HSD17B12: variants seen among roughly 807,000 people sequenced by gnomAD.
HSD17B12 encodes the protein hydroxysteroid 17-beta dehydrogenase 12, also known as very-long-chain 3-oxoacyl-CoA reductase.
A neutral mutation model predicts 39.3 loss-of-function variants in HSD17B12; 32 were observed. The ratio of observed to expected loss-of-function variants is 0.81; its 90% CI spans 0.61 to 1.09. HSD17B12 has a LOEUF of 1.09. HSD17B12 is among the 50% of genes least tolerant of loss of function. HSD17B12 has a pLI of 0.00. For synonymous variants in HSD17B12, 150 were observed against 146.7 expected, an observed-to-expected ratio of 1.02 and a Z score of -0.16; for missense variants, 342 against 382.9, an observed-to-expected ratio of 0.89 and a Z score of 0.89.
chr11:43,844,004 C>T (rs1951451989), intron 9 of HSD17B12, among the ~76,000 whole-genome samples: 1 of 152,242 alleles, frequency 6.6e-6, no homozygotes, highest in Non-Finnish European at 1.5e-5. Context: ...GGTACACAGG[C>T]ATCTGTTTTG....
intron 6 of HSD17B12, among the ~76,000 whole-genome samples, chr11:43,823,671 A>C (rs947827448): frequency 2.0e-5 from 3 of 152,140 alleles, no homozygotes; most frequent in Non-Finnish European, 4.4e-5. Flanking sequence ...TTTCCTGCTG[A>C]ATCCTACCTG....
chr11:43,700,386 T>G (rs1334015146), intron 1 of HSD17B12, among the ~76,000 whole-genome samples: 1 of 152,156 alleles, frequency 6.6e-6, no homozygotes, highest in Non-Finnish European at 1.5e-5. Flanking sequence ...ATTAAGTTAT[T>G]ATTGACTACA....
the HSD17B12 span, among the ~76,000 whole-genome samples, chr11:43,566,201 T>C: frequency 1.3e-5 from 2 of 152,246 alleles, no homozygotes; most frequent in Admixed American, 1.3e-4. Flanking sequence ...CATACCTCTT[T>C]GCACAGTACC....
Position 43,744,937 on chromosome 11 carries a change from A to T in HSD17B12, c.161-5974A>T, listed in dbSNP as rs997302527. On this transcript the variant is annotated intron_variant, in intron 1 of 10. Coordinates refer to ENST00000278353, the MANE Select transcript of HSD17B12 (RefSeq NM_016142.3). ...CTTTGTCCCTGAGTGTGGCCTCGCC[A>T]TTAGACATGTACTGCCCAGGGGAGC... is the stretch of plus-strand genomic sequence containing the variant. 2.6e-5 allele frequency among the ~76,000 whole-genome samples: 4 copies of T among 152,220 alleles called. No individual in the cohort carries two copies. The East Asian group carries it at 5.8e-4, about 22-fold the overall frequency.
chr11:43,699,610 G>A (rs1949944347), intron 1 of HSD17B12, among the ~76,000 whole-genome samples: 1 of 151,916 alleles, frequency 6.6e-6, no homozygotes, highest in Admixed American at 6.6e-5. Flanking sequence ...GTTTGTTAAT[G>A]TTACTGCAAA....
At chr11:43,715,254 T>C (rs1399207013) in intron 1 of HSD17B12, among the ~76,000 whole-genome samples, 1 of 152,096 alleles carries the variant, frequency 6.6e-6, no homozygotes, top group African/African-American at 2.4e-5. Context: ...TGATATTGGC[T>C]GTGGGTTTGT....
At chr11:43,567,485 A>G in the HSD17B12 span, among the ~76,000 whole-genome samples, 3 of 152,316 alleles carry the variant, frequency 2.0e-5, no homozygotes, top group South Asian at 6.2e-4. Context: ...AAATATTTCT[A>G]GTGGAGAAAA....
At chr11:43,843,956 A>G (rs1315525430) in intron 9 of HSD17B12, among the ~76,000 whole-genome samples, 3 of 152,150 alleles carry the variant, frequency 2.0e-5, no homozygotes, top group African/African-American at 4.8e-5. Flanking sequence ...TTTCCATGGC[A>G]TCACAGAAAA....
At chr11:43,703,715 A>G (rs1430600786) in intron 1 of HSD17B12, among the ~76,000 whole-genome samples, 1 of 152,126 alleles carries the variant, frequency 6.6e-6, no homozygotes, top group Admixed American at 6.5e-5. Flanking sequence ...ATAGTTACTC[A>G]TAGTAGCCAC....
the HSD17B12 span, among the ~76,000 whole-genome samples, chr11:43,561,104 C>A: frequency 8.5e-5 from 13 of 152,192 alleles, no homozygotes; most frequent in Admixed American, 8.5e-4. Flanking sequence ...GCAGATGAAG[C>A]ATGGGTTCCA....
At chr11:43,742,751 TG>T (rs1264333646) in intron 1 of HSD17B12, among the ~76,000 whole-genome samples, 33 of 151,432 alleles carry the variant, frequency 2.2e-4, no homozygotes, top group African/African-American at 7.1e-4. Context: ...CCAGTTTTTT[TG>T]TGTGTGTGTT....
At chr11:43,854,379 T>TAG (rs1951561622) in intron 9 of HSD17B12, 1 of 196,414 alleles carries the variant, frequency 5.1e-6, no homozygotes, top group Non-Finnish European at 1.0e-5. Context: ...AATGTTGAGT[T>TAG]TACTAAGTGT....
intron 1 of HSD17B12, among the ~76,000 whole-genome samples, chr11:43,681,832 C>G (rs187215091): frequency 3.5e-5 from 5 of 143,258 alleles, no homozygotes; most frequent in East Asian, 2.0e-4. Context: ...GCTCCCCCCC[C>G]CCTTTTTTTT....
chr11:43,854,950 T>C lies in HSD17B12; in HGVS notation c.834+86T>C, dbSNP rs1224615812. ...AGTTACAGGATAGTATGTAATAGAT[T>C]AGCACATATACATTGTCCAGCCATA... is the stretch of plus-strand genomic sequence containing the variant. On this transcript the variant is annotated intron_variant, in intron 10 of 10. Transcript: ENST00000278353. The C allele has an allele frequency of 7.4e-6, 10 of 1,345,858 alleles. No homozygotes were observed. In the Admixed American group the frequency reaches 1.0e-4, roughly 14 times the overall value. The allele number at this position is 1,345,858 out of a possible 1,614,324, so 83.4% of individuals were successfully genotyped here. A position where few individuals can be genotyped will look rare whatever the true frequency, so the allele number is the denominator to read the frequency against.
At chr11:43,808,570 G>C (rs1458714515) in intron 4 of HSD17B12, among the ~76,000 whole-genome samples, 1 of 152,156 alleles carries the variant, frequency 6.6e-6, no homozygotes, top group Non-Finnish European at 1.5e-5. Flanking sequence ...CTTCCCACCA[G>C]CTAACATTTA....
chr11:43,803,905 A>T (rs1950994067), intron 4 of HSD17B12, among the ~76,000 whole-genome samples: 1 of 152,188 alleles, frequency 6.6e-6, no homozygotes, highest in South Asian at 2.1e-4. Flanking sequence ...GAGTAAGCAA[A>T]CAATTGGTTA....
At chr11:43,614,760 A>AT in the HSD17B12 span, among the ~76,000 whole-genome samples, 5 of 151,916 alleles carry the variant, frequency 3.3e-5, no homozygotes, top group East Asian at 5.8e-4. Flanking sequence ...CATTCAATAG[A>AT]TTTTTTTTAT....
chr11:43,611,915 C>G, the HSD17B12 span, among the ~76,000 whole-genome samples: 1 of 152,162 alleles, frequency 6.6e-6, no homozygotes. Flanking sequence ...TGTATACTGA[C>G]TCTGAGTGAA....
the HSD17B12 span, among the ~76,000 whole-genome samples, chr11:43,637,285 A>G: frequency 6.9e-6 from 1 of 145,186 alleles, no homozygotes. Flanking sequence ...CAGTGGCACA[A>G]TCTTGGCTCA....
Sources: gnomAD v4.1 joint callset for allele counts (sites outside exome capture counted in the v4.1 genomes callset) on GRCh38, gnomAD v4.1.1 for gene constraint, MANE v1.5 for transcripts, NCBI Gene and HGNC (gene_info 2026-07-23, HGNC 2026-07-21) for gene names.